Variants in SMG7 observed in about 807,000 individuals in gnomAD.
SMG7 encodes the protein SMG7 nonsense mediated mRNA decay factor.
Under a neutral mutation model 148.2 loss-of-function variants are expected in SMG7, and 34 were observed. The observed-to-expected ratio is 0.23, with a 90% CI of 0.17 to 0.31. The LOEUF is 0.31. SMG7 is among the 10% of genes least tolerant of loss of function. The pLI is 1.00. For missense variants in SMG7, 1,114 were observed against 1,408.4 expected (o/e 0.79, Z 3.35); for synonymous variants, 492 against 515.1 (o/e 0.96, Z 0.61).
chr1:183,491,182 C>T (rs1656882783), intron 1 of SMG7, among the ~76,000 whole-genome samples: 1 of 152,212 alleles, frequency 6.6e-6, no homozygotes, highest in South Asian at 2.1e-4. Flanking sequence ...TGTCCGGTAA[C>T]TTCTGAAGTG....
chr1:183,502,237 C>T, intron 1 of SMG7: 1 of 1,436,552 alleles, frequency 7.0e-7, no homozygotes, highest in Non-Finnish European at 9.2e-7. Context: ...ATATTTTCCT[C>T]CTCTCCTCTA....
chr1:183,550,640 C>G lies in SMG7; in HGVS notation c.3134-111C>G, dbSNP rs531457810. On this transcript the variant is annotated intron_variant, in intron 20 of 22. Transcript: ENST00000688051. ...TTTAGTTTCCCTTTCCTTCAAAGCC[C>G]TGTGGTTATTGTTAGTAGAATTTTA... is the stretch of plus-strand genomic sequence containing the variant. 14 of 1,058,200 alleles carry G rather than the reference C, an allele frequency of 1.3e-5. No individual in the cohort carries two copies. The East Asian group carries it at 3.4e-4, about 26-fold the overall frequency. 65.6% of individuals were successfully genotyped at this position (1,058,200 alleles called of 1,614,324 possible). A position where few individuals can be genotyped will look rare whatever the true frequency, so the allele number is the denominator to read the frequency against.
Position 183,553,207 on chromosome 1 carries a change from T to G in SMG7, c.*1276T>G, listed in dbSNP as rs1475629479. ...GACGAAAGAAAGGAAAATAAACTCT[T>G]TGTATGATATTTATTAGGAGGAAAG... On this transcript the variant is annotated 3_prime_UTR_variant, in exon 23 of 23. Coordinates refer to ENST00000688051, the MANE Select transcript of SMG7 (RefSeq NM_001375584.1). 2.0e-6 allele frequency: 3 copies of G among 1,529,542 alleles called. No individual in the cohort carries two copies. Among genetic ancestry groups the G allele is most frequent in the Non-Finnish European group, 2.6e-6 (3 of 1,141,430 alleles). 94.7% of individuals were successfully genotyped at this position (1,529,542 alleles called of 1,614,324 possible). A position where few individuals can be genotyped will look rare whatever the true frequency, so the allele number is the denominator to read the frequency against.
chr1:183,541,794 G>A (rs1668915070), intron 13 of SMG7, among the ~76,000 whole-genome samples: 1 of 152,104 alleles, frequency 6.6e-6, no homozygotes, highest in Non-Finnish European at 1.5e-5. Context: ...ACATATCAAG[G>A]GCCCTAGACC....
intron 19 of SMG7, among the ~76,000 whole-genome samples, 159 bp downstream of exon 19, chr1:183,549,447 T>C (rs1265343261): frequency 1.3e-5 from 2 of 152,204 alleles, no homozygotes; most frequent in Non-Finnish European, 2.9e-5. Flanking sequence ...TGGGGCATAC[T>C]AGTGACTTGT....
At chr1:183,551,260 A>G in intron 22 of SMG7, 70 bp downstream of exon 22, 2 of 1,469,752 alleles carry the variant, frequency 1.4e-6, no homozygotes, top group Non-Finnish European at 1.8e-6. Context: ...CATTCACATA[A>G]ATAGCTAGAC....
intron 6 of SMG7, 139 bp downstream of exon 6, chr1:183,528,166 T>C (rs1301630285): frequency 6.3e-6 from 3 of 474,028 alleles, no homozygotes; most frequent in Non-Finnish European, 1.1e-5. Context: ...TCCATTTAAC[T>C]GTACATTCCA....
intron 1 of SMG7, among the ~76,000 whole-genome samples, chr1:183,501,553 T>C (rs573700456): frequency 6.6e-6 from 1 of 152,192 alleles, no homozygotes; most frequent in Non-Finnish European, 1.5e-5. Flanking sequence ...CCCCAAGAAA[T>C]TGTGCTGTTT....
intron 1 of SMG7, among the ~76,000 whole-genome samples, chr1:183,501,837 A>G (rs1011197628): frequency 2.0e-5 from 3 of 152,194 alleles, no homozygotes; most frequent in Non-Finnish European, 4.4e-5. Flanking sequence ...CATACTACCT[A>G]TAATTGTGTT....
chr1:183,488,963 C>G (rs1245838459), intron 1 of SMG7, among the ~76,000 whole-genome samples: 1 of 152,118 alleles, frequency 6.6e-6, no homozygotes, highest in African/African-American at 2.4e-5. Flanking sequence ...GGATTACAGG[C>G]TTGAGCCACC....
At position 183,496,227 on chromosome 1, in the gene SMG7, A is replaced by G. The variant is rs528644749; in HGVS notation, c.30-16610A>G. On this transcript the variant is annotated intron_variant, in intron 1 of 22. Coordinates refer to ENST00000688051, the MANE Select transcript of SMG7 (RefSeq NM_001375584.1). ...TTATTAGTTATCTTTCCTTCTTTAT[A>G]TATTAACTTTTTATTCTTTCATTCA... Among the ~76,000 whole-genome samples the G allele has an allele frequency of 7.2e-5, 11 of 152,192 alleles. No homozygotes were observed. The South Asian group carries it at 8.3e-4, about 11-fold the overall frequency.
At position 183,553,152 on chromosome 1, in the gene SMG7, AG is replaced by A; in HGVS notation, c.*1222del. 1 of 1,536,538 alleles carries A rather than the reference AG, an allele frequency of 6.5e-7. No individual in the cohort carries two copies. The highest frequency in any genetic ancestry group is 8.7e-7 in the Non-Finnish European group (1 of 1,146,962). ...CGGACATGTGCCCATCAGGCACAGA[AG>A]AAAACACGACGTCGTCCATTTTGGA... On this transcript the variant is annotated 3_prime_UTR_variant, in exon 23 of 23. Transcript: ENST00000688051.
chr1:183,523,477 G>C (rs1665192746), intron 4 of SMG7, among the ~76,000 whole-genome samples: 1 of 152,128 alleles, frequency 6.6e-6, no homozygotes, highest in African/African-American at 2.4e-5. Flanking sequence ...TACAGCCTTA[G>C]GAATATCTCC....
intron 1 of SMG7, among the ~76,000 whole-genome samples, chr1:183,489,247 A>ATAC (rs1250928658): frequency 6.6e-6 from 1 of 152,134 alleles, no homozygotes; most frequent in East Asian, 1.9e-4. Flanking sequence ...AAATAGTAAG[A>ATAC]TACTAAAAAG....
rs549291323 is a variant in SMG7, at chr1:183,529,056, G to GT, written c.707+24dup. 0.017 allele frequency: 22,199 copies of GT among 1,341,706 alleles called. No individual in the cohort carries two copies. Among genetic ancestry groups the GT allele is most frequent in the South Asian group, 0.026 (1,813 of 69,562 alleles). The allele number at this position is 1,341,706 out of a possible 1,614,324, so 83.1% of individuals were successfully genotyped here. On this transcript the variant is annotated intron_variant, in intron 7 of 22. Coordinates refer to ENST00000688051, the MANE Select transcript of SMG7 (RefSeq NM_001375584.1). ...AGCACTGGAAAGGTAGGGTTGTTTG[G>GT]TTTTTTTTTTCTCTTTCCAAGAGGA...
intron 12 of SMG7, among the ~76,000 whole-genome samples, chr1:183,538,674 C>T (rs1314734774): frequency 6.6e-6 from 1 of 152,180 alleles, no homozygotes; most frequent in Non-Finnish European, 1.5e-5. Context: ...GATCCCATCC[C>T]TTCTCACCTC....
chr1:183,490,517 A>G (rs1056256296), intron 1 of SMG7, among the ~76,000 whole-genome samples: 1 of 152,356 alleles, frequency 6.6e-6, no homozygotes, highest in South Asian at 2.1e-4. Context: ...GTATATCTGC[A>G]TTGAATAAAA....
chr1:183,509,669 C>T (rs1423761579), intron 1 of SMG7, among the ~76,000 whole-genome samples: 1 of 152,120 alleles, frequency 6.6e-6, no homozygotes, highest in Non-Finnish European at 1.5e-5. Context: ...GTGCTTCTTT[C>T]AGAACCTAGG....
At chr1:183,521,858 C>CAA (rs35144368) in intron 4 of SMG7, among the ~76,000 whole-genome samples, 4,104 of 129,090 alleles carry the variant, frequency 0.032, 95 homozygotes, top group African/African-American at 0.047. Context: ...GACCTTGTCT[C>CAA]AAAAAAAAAA....
Sources: gnomAD v4.1 joint callset for allele counts (sites outside exome capture counted in the v4.1 genomes callset) on GRCh38, gnomAD v4.1.1 for gene constraint, MANE v1.5 for transcripts, NCBI Gene and HGNC (gene_info 2026-07-23, HGNC 2026-07-21) for gene names.